The following TMEFF2 variants were observed in gnomAD, a reference collection of about 807,000 sequenced individuals.
TMEFF2 encodes transmembrane protein with EGF like and two follistatin like domains 2.
Under a neutral mutation model 53.8 loss-of-function variants are expected in TMEFF2, and 28 were observed. The observed-to-expected ratio is 0.52, with a 90% CI of 0.39 to 0.71. The LOEUF is 0.71. TMEFF2 is among the 30% of genes least tolerant of loss of function. TMEFF2 has a pLI of 0.00. For synonymous variants in TMEFF2, 162 were observed against 166.3 expected, an observed-to-expected ratio of 0.97 and a Z score of 0.20; for missense variants, 353 against 455.2, an observed-to-expected ratio of 0.78 and a Z score of 2.04.
At chr2:192,000,073 A>G (rs1686319729) in intron 5 of TMEFF2, among the ~76,000 whole-genome samples, 1 of 152,156 alleles carries the variant, frequency 6.6e-6, no homozygotes, top group Non-Finnish European at 1.5e-5. Flanking sequence ...AAAATTTTAT[A>G]TGATTGTTCC....
At chr2:192,158,446 T>C (rs906156685) in intron 4 of TMEFF2, among the ~76,000 whole-genome samples, 1 of 152,118 alleles carries the variant, frequency 6.6e-6, no homozygotes, top group African/African-American at 2.4e-5. Context: ...TGGCACAGAG[T>C]TGGTATTTCC....
At chr2:191,955,759 G>A (rs62181490) in intron 8 of TMEFF2, among the ~76,000 whole-genome samples, 2 of 151,900 alleles carry the variant, frequency 1.3e-5, no homozygotes, top group Non-Finnish European at 2.9e-5. Context: ...GGCTCCATGG[G>A]AGAGCAGATC....
Position 191,953,811 on chromosome 2 carries a change from T to A in TMEFF2, c.896A>T (p.His299Leu), listed in dbSNP as rs866507936. ...AACACTGTAGTCCTTTTTTTCACAG[T>A]GTTGTCCAGTATAACCAGCATCACA... ...CRCDAGYTGQ[H>L]CEKKDYSVLY... Residue 299 changes from histidine to leucine, a missense_variant, in exon 9 of 10, where the codon CAC (histidine) becomes CTC (leucine). Transcript: ENST00000272771. The A allele has an allele frequency of 1.2e-6, 2 of 1,612,914 alleles. No individual in the cohort carries two copies. Among genetic ancestry groups the A allele is most frequent in the South Asian group, 2.2e-5 (2 of 90,962 alleles).
chr2:192,174,070 A>G (rs1690979720), intron 4 of TMEFF2, among the ~76,000 whole-genome samples: 1 of 151,818 alleles, frequency 6.6e-6, no homozygotes, highest in Non-Finnish European at 1.5e-5. Flanking sequence ...GAGAGCAAAA[A>G]TCAAACAGGC....
chr2:192,182,787 T>A (rs1392391433), intron 3 of TMEFF2, among the ~76,000 whole-genome samples: 1 of 152,018 alleles, frequency 6.6e-6, no homozygotes, highest in African/African-American at 2.4e-5. Flanking sequence ...TTTGCCTTCA[T>A]CCTTCCTGGT....
chr2:192,090,286 A>G (rs1688761759), intron 4 of TMEFF2, among the ~76,000 whole-genome samples: 1 of 152,162 alleles, frequency 6.6e-6, no homozygotes, highest in African/African-American at 2.4e-5. Context: ...ATGCTGAAAG[A>G]CAAAAATTGT....
chr2:192,050,463 T>G (rs7421706), intron 5 of TMEFF2, among the ~76,000 whole-genome samples: 2 of 152,236 alleles, frequency 1.3e-5, no homozygotes, highest in African/African-American at 4.8e-5. Flanking sequence ...ATTTTTTTTA[T>G]TTTTTACTTT....
chr2:192,084,101 G>A (rs1688613386), intron 4 of TMEFF2, among the ~76,000 whole-genome samples: 1 of 152,104 alleles, frequency 6.6e-6, no homozygotes, highest in African/African-American at 2.4e-5. Context: ...AATAAGTCCT[G>A]TTCAACATCA....
At chr2:191,962,078 A>G (rs76649181) in intron 7 of TMEFF2, among the ~76,000 whole-genome samples, 2,093 of 152,348 alleles carry the variant, frequency 0.014, 27 homozygotes, top group Non-Finnish European at 0.024. Flanking sequence ...CTTGTTATTT[A>G]ATCTCTGTTA....
At chr2:192,063,297 C>T (rs1409263533) in intron 4 of TMEFF2, among the ~76,000 whole-genome samples, 2 of 151,810 alleles carry the variant, frequency 1.3e-5, no homozygotes, top group Admixed American at 1.3e-4. Context: ...ATTTCTTAGA[C>T]TCATGAATTA....
intron 4 of TMEFF2, among the ~76,000 whole-genome samples, chr2:192,166,311 G>A (rs1690765023): frequency 6.6e-6 from 1 of 152,098 alleles, no homozygotes. Flanking sequence ...GAATGCCTAT[G>A]TTGCCATACC....
At position 192,189,555 on chromosome 2, in the gene TMEFF2, C is replaced by CAAAAAA. The variant is rs58455898; in HGVS notation, c.282+2319_282+2324dup. Among the ~76,000 whole-genome samples, 3 of 41,102 alleles carry CAAAAAA rather than the reference C, an allele frequency of 7.3e-5. 1 individual carries two copies. The highest frequency in any genetic ancestry group is 1.7e-4 in the African/African-American group (2 of 11,968). 27.0% of individuals were successfully genotyped at this position (41,102 alleles called of 152,430 possible). A position where few individuals can be genotyped will look rare whatever the true frequency, so the allele number is the denominator to read the frequency against. On this transcript the variant is annotated intron_variant, in intron 2 of 9. Transcript: ENST00000272771. ...GCAAGACCCTTGTCTCCAAAAATTC[C>CAAAAAA]AAAAAAAAAAAAAGGAATGCACGCT...
chr2:192,102,626 C>CTTTTTTTTTTTTTTTT (rs10635775), intron 4 of TMEFF2, among the ~76,000 whole-genome samples: 160 of 109,768 alleles, frequency 1.5e-3, no homozygotes, highest in East Asian at 1.9e-3. Flanking sequence ...TTTTCTTGTT[C>CTTTTTTTTTTTTTTTT]TTTTTTTTTT....
At chr2:192,095,554 A>G (rs1435214151) in intron 4 of TMEFF2, among the ~76,000 whole-genome samples, 1 of 152,200 alleles carries the variant, frequency 6.6e-6, no homozygotes, top group African/African-American at 2.4e-5. Flanking sequence ...AGCAAAAGAA[A>G]TATAGAAAAC....
At chr2:192,074,772 C>A (rs1428775811) in intron 4 of TMEFF2, among the ~76,000 whole-genome samples, 3 of 151,774 alleles carry the variant, frequency 2.0e-5, no homozygotes. Context: ...GTATATAACT[C>A]GAATACATTA....
intron 5 of TMEFF2, chr2:192,036,223 C>T (rs1687289645): frequency 6.6e-6 from 1 of 152,172 alleles, no homozygotes; most frequent in Non-Finnish European, 1.5e-5. Flanking sequence ...AGGTTACATT[C>T]CAGTTAAGGA....
intron 5 of TMEFF2, among the ~76,000 whole-genome samples, chr2:192,050,205 T>C (rs979534703): frequency 1.3e-5 from 2 of 152,168 alleles, no homozygotes; most frequent in East Asian, 1.9e-4. Flanking sequence ...TAAAACACAT[T>C]GAAGTTCAGA....
intron 4 of TMEFF2, among the ~76,000 whole-genome samples, chr2:192,094,293 T>C (rs1350752142): frequency 3.9e-5 from 6 of 152,162 alleles, no homozygotes; most frequent in Non-Finnish European, 8.8e-5. Flanking sequence ...ATGCTCCTCA[T>C]GTTTCTTTGC....
rs1328927294 is a variant in TMEFF2, at chr2:191,949,057, CAA to C, written c.*1252_*1253del. 5 of 983,802 alleles carry C rather than the reference CAA, an allele frequency of 5.1e-6. No individual in the cohort carries two copies. Among genetic ancestry groups the C allele is most frequent in the Admixed American group, 1.2e-4 (2 of 16,212 alleles). The allele number at this position is 983,802 out of a possible 1,614,324, so 60.9% of individuals were successfully genotyped here. A position where few individuals can be genotyped will look rare whatever the true frequency, so the allele number is the denominator to read the frequency against. On this transcript the variant is annotated 3_prime_UTR_variant, in exon 10 of 10. Transcript: ENST00000272771. Reference sequence around the variant, plus strand: ...CCACGCACAGGTTATTTGAAGGAGACAAAGAGAGCTTTATTTAAATTTACTGT... The same window carrying C: ...CCACGCACAGGTTATTTGAAGGAGACAGAGAGCTTTATTTAAATTTACTGT...
Sources: gnomAD v4.1 joint callset for allele counts (sites outside exome capture counted in the v4.1 genomes callset) on GRCh38, gnomAD v4.1.1 for gene constraint, MANE v1.5 for transcripts, NCBI Gene and HGNC (gene_info 2026-07-23, HGNC 2026-07-21) for gene names.